The following FGD6 variants were observed in gnomAD, a reference collection of about 807,000 sequenced individuals.
The protein encoded by FGD6 is FYVE, RhoGEF and PH domain containing 6, also known as FYVE, RhoGEF and PH domain-containing protein 6.
A neutral mutation model predicts 149.4 loss-of-function variants in FGD6; 90 were observed. That is an observed-to-expected ratio of 0.60 (90% CI 0.51 to 0.72). The LOEUF (loss-of-function observed/expected upper bound fraction) is 0.72, where lower values mean the gene tolerates loss of function less well. Among genes scored for constraint, FGD6 ranks in the 30% least tolerant of loss-of-function variants. The pLI is 0.00. For missense variants in FGD6, 1,437 were observed against 1,684.8 expected (o/e 0.85, Z 2.57); for synonymous variants, 527 against 584.0 (o/e 0.90, Z 1.41).
chr12:95,150,775 T>C (rs1373498850), intron 5 of FGD6, among the ~76,000 whole-genome samples: 1 of 152,008 alleles, frequency 6.6e-6, no homozygotes, highest in Non-Finnish European at 1.5e-5. Flanking sequence ...ATGCCTAGCT[T>C]TGTCCTATCA....
rs540018421 is a variant in FGD6 at position 95,118,168 on chromosome 12, T to C, written c.3083-4467A>G. Among the ~76,000 whole-genome samples, 49 of 151,856 alleles carry C rather than the reference T, an allele frequency of 3.2e-4. 1 individual carries two copies. The highest frequency in any genetic ancestry group is 3.2e-3 in the Admixed American group (48 of 15,232). ...GAGTTTGAGACTAGCCTGGCCAATA[T>C]AGTGAAACCCCATCTCTACTAAAAA... On this transcript the variant is annotated intron_variant, in intron 8 of 20. Coordinates refer to ENST00000343958, the MANE Select transcript of FGD6 (RefSeq NM_018351.4).
chr12:95,200,314 T>A (rs1038459830), intron 2 of FGD6, among the ~76,000 whole-genome samples: 2 of 152,216 alleles, frequency 1.3e-5, no homozygotes, highest in African/African-American at 4.8e-5. Flanking sequence ...TCCTTTTAAT[T>A]TTTATGGAAA....
intron 8 of FGD6, among the ~76,000 whole-genome samples, chr12:95,132,273 C>T (rs1397970152): frequency 1.3e-5 from 2 of 152,088 alleles, no homozygotes; most frequent in Non-Finnish European, 2.9e-5. Context: ...GGCTCAGCCT[C>T]CTGAGTTGCT....
intron 14 of FGD6, 53 bp from the exon 15 acceptor site, chr12:95,094,747 T>G: frequency 9.0e-6 from 12 of 1,332,784 alleles, no homozygotes; most frequent in Non-Finnish European, 1.3e-5. Context: ...GTTCTTTTCC[T>G]TTTTCTTCTT....
intron 5 of FGD6, among the ~76,000 whole-genome samples, chr12:95,150,047 G>A (rs567748164): frequency 9.4e-5 from 13 of 138,540 alleles, no homozygotes; most frequent in Admixed American, 3.7e-4. Flanking sequence ...TTTTTTTTGA[G>A]AGGGAGTTTC....
chr12:95,184,734 AC>A (rs1306858692), intron 2 of FGD6, among the ~76,000 whole-genome samples: 1 of 151,854 alleles, frequency 6.6e-6, no homozygotes, highest in Non-Finnish European at 1.5e-5. Flanking sequence ...GGTGTCCACC[AC>A]CAAGCCCAAC....
chr12:95,109,990 ATTC>A, intron 9 of FGD6, among the ~76,000 whole-genome samples: 1 of 92,584 alleles, frequency 1.1e-5, no homozygotes, highest in Non-Finnish European at 2.4e-5. Context: ...AGGCTTCTGT[ATTC>A]TTTTTTTTTT....
intron 5 of FGD6, among the ~76,000 whole-genome samples, chr12:95,147,292 C>G (rs1175273504): frequency 6.6e-6 from 1 of 152,036 alleles, no homozygotes; most frequent in African/African-American, 2.4e-5. Context: ...AAATATTTTC[C>G]CAATGAAATT....
chr12:95,206,224 T>TA (rs927939991), intron 2 of FGD6, among the ~76,000 whole-genome samples: 20 of 150,100 alleles, frequency 1.3e-4, no homozygotes, highest in Non-Finnish European at 2.1e-4. Flanking sequence ...ATAAAGTGAT[T>TA]AAAAAAAAAA....
In FGD6 at chr12:95,079,247, T is replaced by G. The variant is rs1480275031; in HGVS notation, c.*2273A>C. ...ATAATTGGATAGCTTCCACAAAGAC[T>G]ACACATTTTTCTAAACCCTCCATGG... is the stretch of plus-strand genomic sequence containing the variant. On this transcript the variant is annotated 3_prime_UTR_variant, in exon 21 of 21. Coordinates refer to ENST00000343958, the MANE Select transcript of FGD6 (RefSeq NM_018351.4). The G allele has an allele frequency of 2.0e-5, 3 of 152,196 alleles. No individual in the cohort carries two copies. The highest frequency in any genetic ancestry group is 4.8e-5 in the African/African-American group (2 of 41,460). The allele number at this position is 152,196 out of a possible 1,614,324, so 9.4% of individuals were successfully genotyped here. A position where few individuals can be genotyped will look rare whatever the true frequency, so the allele number is the denominator to read the frequency against.
intron 8 of FGD6, among the ~76,000 whole-genome samples, chr12:95,122,617 G>A (rs1446159835): frequency 8.3e-6 from 1 of 119,908 alleles, no homozygotes; most frequent in Non-Finnish European, 1.6e-5. Flanking sequence ...TTGCACTCTA[G>A]CCTGGGCAAC....
chr12:95,131,781 G>A (rs1879528044), intron 8 of FGD6, among the ~76,000 whole-genome samples: 2 of 152,054 alleles, frequency 1.3e-5, no homozygotes, highest in African/African-American at 4.8e-5. Context: ...AAGGTATTGT[G>A]CAACAATTAA....
intron 5 of FGD6, among the ~76,000 whole-genome samples, chr12:95,151,866 T>C (rs944052572): frequency 5.3e-5 from 8 of 152,220 alleles, no homozygotes; most frequent in Admixed American, 6.6e-5. Flanking sequence ...TTCTTAAGTC[T>C]TAATATCTTG....
chr12:95,141,657 C>A, intron 5 of FGD6, 118 bp from the exon 6 acceptor site: 1 of 1,163,162 alleles, frequency 8.6e-7, no homozygotes, highest in Non-Finnish European at 1.2e-6. Context: ...ATTTCTCATG[C>A]AGAATTACAA....
chr12:95,174,559 T>C (rs986821650), intron 2 of FGD6, among the ~76,000 whole-genome samples: 1 of 152,166 alleles, frequency 6.6e-6, no homozygotes, highest in Non-Finnish European at 1.5e-5. Context: ...ATCCAGCCCA[T>C]CTGGGTACTG....
intron 3 of FGD6, among the ~76,000 whole-genome samples, chr12:95,157,456 C>T (rs563271903): frequency 2.5e-4 from 37 of 149,546 alleles, no homozygotes; most frequent in Admixed American, 1.2e-3. Flanking sequence ...ATCCCAGCCA[C>T]TTGGGAGGCT....
chr12:95,195,763 G>A (rs1398816781), intron 2 of FGD6, among the ~76,000 whole-genome samples: 2 of 45,350 alleles, frequency 4.4e-5, no homozygotes, highest in East Asian at 6.3e-4. Flanking sequence ...AGGGGTTGAC[G>A]GGAAGAGGTG....
chr12:95,196,731 C>T (rs1565921614), intron 2 of FGD6, among the ~76,000 whole-genome samples: 1 of 151,842 alleles, frequency 6.6e-6, no homozygotes, highest in African/African-American at 2.4e-5. Context: ...CTTCTGCCTC[C>T]CAGACTCAGG....
chr12:95,086,702 G>A (rs1226382622), intron 18 of FGD6, among the ~76,000 whole-genome samples: 1 of 149,706 alleles, frequency 6.7e-6, no homozygotes, highest in African/African-American at 2.5e-5. Context: ...ACCACGTCCG[G>A]CTATTTTTTT....
Sources: gnomAD v4.1 joint callset for allele counts (sites outside exome capture counted in the v4.1 genomes callset) on GRCh38, gnomAD v4.1.1 for gene constraint, MANE v1.5 for transcripts, NCBI Gene and HGNC (gene_info 2026-07-23, HGNC 2026-07-21) for gene names.